NBEA: variants seen among roughly 807,000 people sequenced by gnomAD.
The protein encoded by NBEA is neurobeachin.
Under a neutral mutation model 343.4 loss-of-function variants are expected in NBEA, and 44 were observed. The observed-to-expected ratio is 0.13, with a 90% CI of 0.10 to 0.16. NBEA has a LOEUF of 0.16. Among genes scored for constraint, NBEA ranks in the 10% least tolerant of loss-of-function variants. The pLI is 1.00. For missense variants in NBEA, 2,555 were observed against 3,631.3 expected (o/e 0.70, Z 7.62); for synonymous variants, 1,175 against 1,238.7 (o/e 0.95, Z 1.08).
intron 33 of NBEA, among the ~76,000 whole-genome samples, chr13:35,230,414 T>C (rs189462973): frequency 3.3e-5 from 5 of 152,270 alleles, no homozygotes; most frequent in Non-Finnish European, 1.5e-5. Flanking sequence ...ATCCAATAGC[T>C]ATGATGCAAC....
chr13:35,044,433 T>A (rs1184867382), intron 2 of NBEA, among the ~76,000 whole-genome samples: 5 of 152,152 alleles, frequency 3.3e-5, no homozygotes, highest in African/African-American at 1.2e-4. Context: ...GTGGTAAAAA[T>A]TGCTAATGGG....
intron 34 of NBEA, among the ~76,000 whole-genome samples, chr13:35,243,919 C>T (rs1373069856): frequency 6.6e-6 from 1 of 151,836 alleles, no homozygotes; most frequent in African/African-American, 2.4e-5. Context: ...CCAAAGAATA[C>T]TTCACCCAAT....
intron 44 of NBEA, among the ~76,000 whole-genome samples, chr13:35,555,630 GT>G (rs2079541647): frequency 2.0e-5 from 3 of 152,088 alleles, no homozygotes; most frequent in African/African-American, 4.8e-5. Context: ...AAAGGAGGTA[GT>G]GGCTTTGTTT....
chr13:35,646,334 T>C lies in NBEA; in HGVS notation c.7756T>C (p.Ser2586Pro). The change falls in exon 51 of 59, where the codon TCT becomes CCT. Residue 2586 changes from serine (S) to proline (P), a missense_variant. Transcript: ENST00000379939. ...TATTGAGCCACATCCGCCTCGGAGC[T>C]CTGCCATGCACCTGGTAAGACATAT... ...LLIEPHPPRS[S>P]AMHLCFLPQS... is the part of the protein sequence containing the mutation. 1 of 1,613,386 alleles carries C rather than the reference T, an allele frequency of 6.2e-7. No homozygotes were observed. The highest frequency in any genetic ancestry group is 8.5e-7 in the Non-Finnish European group (1 of 1,179,466).
chr13:34,982,893 T>C (rs1204189225), intron 1 of NBEA, among the ~76,000 whole-genome samples: 3 of 152,178 alleles, frequency 2.0e-5, no homozygotes, highest in Admixed American at 6.5e-5. Context: ...TCAACTATGA[T>C]TGTGGAATTT....
intron 33 of NBEA, among the ~76,000 whole-genome samples, chr13:35,218,439 T>C (rs1038081587): frequency 3.5e-4 from 53 of 152,048 alleles, no homozygotes; most frequent in African/African-American, 1.2e-3. Context: ...AATTCTGTCA[T>C]CCACGAATAA....
At chr13:35,541,981 C>A (rs891993176) in intron 41 of NBEA, among the ~76,000 whole-genome samples, 1 of 152,014 alleles carries the variant, frequency 6.6e-6, no homozygotes, top group Non-Finnish European at 1.5e-5. Context: ...AATCAATGAA[C>A]TTGCCTGAGG....
chr13:35,317,105 A>G (rs1376937016), intron 36 of NBEA, among the ~76,000 whole-genome samples: 3 of 152,078 alleles, frequency 2.0e-5, no homozygotes, highest in African/African-American at 4.8e-5. Context: ...GCAGAAGCTC[A>G]TTAGTTTCCT....
intron 10 of NBEA, among the ~76,000 whole-genome samples, chr13:35,092,263 CTA>C (rs922897041): frequency 8.6e-5 from 13 of 151,992 alleles, no homozygotes; most frequent in African/African-American, 2.9e-4. Context: ...ACATGAAACT[CTA>C]AAACTTTTAT....
At chr13:35,065,046 CTATAAGTACCTGTGTGTTTAAGG>C (rs2063600257) in intron 8 of NBEA, among the ~76,000 whole-genome samples, 1 of 150,926 alleles carries the variant, frequency 6.6e-6, no homozygotes, top group Non-Finnish European at 1.5e-5. Context: ...AATCATAGTT[CTATAAGTACCTGTGTGTTTAAGG>C]CTTATATTAT....
chr13:35,628,242 C>G lies in NBEA; in HGVS notation c.7611C>G (p.Leu2537=). ...VNLDSITDPV[L]REIPEAYFIR... is the part of the protein sequence containing the mutation. ...TGGATAGTATCACTGATCCTGTGCT[C>G]AGGGAGGTAGGTGTTAAATCCCATA... Residue 2537 remains leucine (L), a synonymous_variant, in exon 49 of 59, where the codon CTC becomes CTG. Coordinates refer to ENST00000379939, the MANE Select transcript of NBEA (RefSeq NM_001385012.1). The G allele has an allele frequency of 6.3e-7, 1 of 1,598,356 alleles. No individual in the cohort carries two copies. The highest frequency in any genetic ancestry group is 8.5e-7 in the Non-Finnish European group (1 of 1,173,170).
rs560779156 is a variant in NBEA, at chr13:35,121,499, A to T, written c.2244-1983A>T. 2.7e-5 allele frequency among the ~76,000 whole-genome samples: 4 copies of T among 150,238 alleles called. 1 individual carries two copies. Among genetic ancestry groups the T allele is most frequent in the African/African-American group, 9.8e-5 (4 of 40,890 alleles). ...CTTGAATGTGTTTTTTTTTTTTGAC[A>T]TGTCTGACTTTGCTATTCTCAGACT... On this transcript the variant is annotated intron_variant, in intron 16 of 58. Transcript: ENST00000379939.
At chr13:35,437,136 T>C (rs1444064171) in intron 39 of NBEA, among the ~76,000 whole-genome samples, 1 of 152,208 alleles carries the variant, frequency 6.6e-6, no homozygotes, top group Non-Finnish European at 1.5e-5. Flanking sequence ...ATTTGATTTT[T>C]TCTAATATCC....
chr13:35,446,278 C>T (rs1212628778), intron 39 of NBEA, among the ~76,000 whole-genome samples: 2 of 152,016 alleles, frequency 1.3e-5, no homozygotes, highest in South Asian at 2.1e-4. Context: ...AATAAACATA[C>T]GTGTGCATGT....
chr13:35,010,522 A>C (rs1340661891), intron 1 of NBEA, among the ~76,000 whole-genome samples: 1 of 148,124 alleles, frequency 6.8e-6, no homozygotes, highest in Non-Finnish European at 1.5e-5. Context: ...TCAAGGCTGC[A>C]GTGAGCCGAG....
intron 24 of NBEA, among the ~76,000 whole-genome samples, chr13:35,168,358 A>C (rs778521196): frequency 1.7e-4 from 26 of 151,572 alleles, no homozygotes; most frequent in Non-Finnish European, 3.1e-4. Flanking sequence ...ACTTAGTATA[A>C]TACCTATTTA....
At chr13:35,625,399 G>A (rs1233502257) in intron 48 of NBEA, among the ~76,000 whole-genome samples, 1 of 151,952 alleles carries the variant, frequency 6.6e-6, no homozygotes. Context: ...GGCGGATCAC[G>A]TGAGCTCAGG....
chr13:35,024,231 C>T (rs892331360), intron 1 of NBEA, among the ~76,000 whole-genome samples: 5 of 152,126 alleles, frequency 3.3e-5, no homozygotes, highest in African/African-American at 9.7e-5. Context: ...TTTCTTTATC[C>T]AGCCCACTGT....
chr13:35,392,484 GTT>G (rs71081250), intron 38 of NBEA, among the ~76,000 whole-genome samples: 12 of 136,324 alleles, frequency 8.8e-5, no homozygotes, highest in Admixed American at 1.5e-4. Flanking sequence ...TGTTTTTTTT[GTT>G]TTTTTTTTTT....
Sources: gnomAD v4.1 joint callset for allele counts (sites outside exome capture counted in the v4.1 genomes callset) on GRCh38, gnomAD v4.1.1 for gene constraint, MANE v1.5 for transcripts, NCBI Gene and HGNC (gene_info 2026-07-23, HGNC 2026-07-21) for gene names.